Variants in ADGRG4 observed in about 807,000 individuals in gnomAD.
The protein encoded by ADGRG4 is adhesion G protein-coupled receptor G4.
ADGRG4 carries 122 observed loss-of-function variants against 126.2 expected under a neutral mutation model. That is an observed-to-expected ratio of 0.97 (90% CI 0.83 to 1.12). ADGRG4 has a LOEUF of 1.12. Ranked by LOEUF, ADGRG4 falls within the 50% of genes most tolerant of loss-of-function variation. ADGRG4 has a pLI of 0.00. For missense variants in ADGRG4, 2,481 were observed against 2,251.8 expected, an observed-to-expected ratio of 1.10 and a Z score of -2.06; for synonymous variants, 943 against 838.7, an observed-to-expected ratio of 1.12 and a Z score of -2.15.
In ADGRG4 at chrX:136,347,311, C is replaced by A. The variant is rs747159133; in HGVS notation, c.3605C>A (p.Thr1202Asn). 27 of 1,209,184 alleles carry A rather than the reference C, an allele frequency of 2.2e-5. No individual in the cohort carries two copies. The highest frequency in any genetic ancestry group is 3.0e-5 in the Non-Finnish European group (27 of 894,605). The change falls in exon 6 of 26, where the codon ACT becomes AAT. Residue 1202 changes from threonine (T) to asparagine (N), a missense_variant. Transcript: ENST00000394143. The stretch of plus-strand genomic sequence containing the variant: ...GGTGGAGTTGTTGCCAGCTTGGCTA[C>A]TGGCACCACAGAGACCTCTGTTGTT... ...SGGGVVASLA[T>N]GTTETSVVDE...
Position 136,412,265 on chromosome X carries a change from G to A in ADGRG4, c.8936G>A (p.Gly2979Glu). 8.5e-7 allele frequency: 1 copy of A among 1,183,290 alleles called. No homozygotes were observed. The highest frequency in any genetic ancestry group is 1.2e-6 in the Non-Finnish European group (1 of 869,497). The change falls in exon 24 of 26, where the codon GGA becomes GAA. Residue 2979 changes from glycine to glutamate, a missense_variant and splice_region_variant. Physicochemically the swap from Gly to Glu is moderately conservative, Grantham distance 98. Coordinates refer to ENST00000394143, the MANE Select transcript of ADGRG4 (RefSeq NM_153834.4). ...YLFAIFNTLQ[G>E]FFIFVFHCVM... ...GACTGACCTTCTTCTTCTGGCTTAG[G>A]ATTCTTCATTTTTGTGTTTCACTGT...
intron 4 of ADGRG4, among the ~76,000 whole-genome samples, chrX:136,317,218 C>T (rs1012471303): frequency 3.6e-5 from 4 of 110,880 alleles, no homozygotes; most frequent in South Asian, 3.8e-4. Context: ...ACACCAAAAG[C>T]GGCCGGGCGT....
At chrX:136,320,710 C>T (rs2074834364) in intron 4 of ADGRG4, among the ~76,000 whole-genome samples, 1 of 110,507 alleles carries the variant, frequency 9.0e-6, no homozygotes, top group African/African-American at 3.3e-5. Context: ...GCCTAGGAGT[C>T]TGAGACCAGA....
At chrX:136,374,205 C>A in intron 15 of ADGRG4, among the ~76,000 whole-genome samples, 1 of 107,779 alleles carries the variant, frequency 9.3e-6, no homozygotes, top group South Asian at 4.1e-4. Context: ...TAGTTTGTTC[C>A]TCCTTTTTAT....
chrX:136,315,865 A>G (rs1264304680), intron 4 of ADGRG4, among the ~76,000 whole-genome samples: 2 of 111,881 alleles, frequency 1.8e-5, no homozygotes, highest in Non-Finnish European at 3.8e-5. Context: ...TATCGGGGTC[A>G]TGTGCTTATA....
chrX:136,405,918 G>T lies in ADGRG4; in HGVS notation c.8881G>T (p.Gly2961Ter). Reference sequence around the variant, plus strand: ...CTGGGGGTTTGCATTTTTTGCTTGGGGACCCATGAGGAACTTTTTCTTGTA... The same window carrying T: ...CTGGGGGTTTGCATTTTTTGCTTGGTGACCCATGAGGAACTTTTTCTTGTA... ...LTWGFAFFAWGPMRNFFLYLF... is the reference protein window; with the variant it reads ...LTWGFAFFAW The change falls in exon 23 of 26, where the codon GGA becomes TGA. Residue 2961 changes from glycine to a stop codon, truncating the protein, a stop_gained. Coordinates refer to ENST00000394143, the MANE Select transcript of ADGRG4 (RefSeq NM_153834.4). LOFTEE classifies it high-confidence loss of function. 1 of 1,147,483 alleles carries T rather than the reference G, an allele frequency of 8.7e-7. No individual in the cohort carries two copies. 94.6% of individuals were successfully genotyped at this position (1,147,483 alleles called of 1,213,427 possible). A position where few individuals can be genotyped will look rare whatever the true frequency, so the allele number is the denominator to read the frequency against.
chrX:136,354,105 G>GT (rs1039492759), intron 8 of ADGRG4, among the ~76,000 whole-genome samples: 12 of 111,992 alleles, frequency 1.1e-4, no homozygotes, highest in Non-Finnish European at 1.1e-4. Context: ...TGGGACTTTG[G>GT]TTTCTCTTAC....
In ADGRG4 at chrX:136,397,869, T is replaced by C; in HGVS notation, c.8185-12T>C. 1 of 1,206,153 alleles carries C rather than the reference T, an allele frequency of 8.3e-7. No individual in the cohort carries two copies. Among genetic ancestry groups the C allele is most frequent in the Non-Finnish European group, 1.1e-6 (1 of 891,692 alleles). On this transcript the variant is annotated splice_polypyrimidine_tract_variant and intron_variant, in intron 19 of 25. Coordinates refer to ENST00000394143, the MANE Select transcript of ADGRG4 (RefSeq NM_153834.4). Reference sequence around the variant, plus strand: ...GGTGTATGTGTAAAACACAACACATTGTGTTCCTTAGGATTTATCCAGGTC... The same window carrying C: ...GGTGTATGTGTAAAACACAACACATCGTGTTCCTTAGGATTTATCCAGGTC...
chrX:136,349,072 A>G lies in ADGRG4; in HGVS notation c.5366A>G (p.Asn1789Ser), dbSNP rs1569324418. ...GPTKNVKTTT[N>S]CFSSNTRKMT... ...ACAAAAAATGTTAAAACAACCACCAATTGCTTTTCTTCTAATACTAGAAAG... is the reference window on the plus strand; with the variant it reads ...ACAAAAAATGTTAAAACAACCACCAGTTGCTTTTCTTCTAATACTAGAAAG... Residue 1789 changes from asparagine (N) to serine (S), a missense_variant, in exon 6 of 26, where the codon AAT (asparagine) becomes AGT (serine). Transcript: ENST00000394143. 4.1e-6 allele frequency: 5 copies of G among 1,206,188 alleles called. No homozygotes were observed. The East Asian group carries it at 1.5e-4, about 36-fold the overall frequency.
intron 14 of ADGRG4, among the ~76,000 whole-genome samples, 179 bp downstream of exon 14, chrX:136,371,723 A>C (rs1337158678): frequency 1.8e-5 from 2 of 111,984 alleles, no homozygotes; most frequent in Non-Finnish European, 3.8e-5. Flanking sequence ...ATTCCTAAAC[A>C]ATACAGCATA....
At chrX:136,304,366 C>A (rs1569533222) in intron 2 of ADGRG4, among the ~76,000 whole-genome samples, 159 bp downstream of exon 2, 1 of 112,254 alleles carries the variant, frequency 8.9e-6, no homozygotes, top group Non-Finnish European at 1.9e-5. Flanking sequence ...ACAATTCTTA[C>A]CGTACAAAAG....
chrX:136,393,499 A>G (rs1416357942), intron 17 of ADGRG4, 36 bp from the exon 18 acceptor site: 4 of 1,135,872 alleles, frequency 3.5e-6, no homozygotes, highest in Non-Finnish European at 3.6e-6. Flanking sequence ...AAATATCACA[A>G]GGCAAGATGT....
chrX:136,396,634 G>T (rs1474858351), intron 19 of ADGRG4, among the ~76,000 whole-genome samples: 3 of 105,785 alleles, frequency 2.8e-5, no homozygotes, highest in African/African-American at 1.0e-4. Flanking sequence ...GAGAGACCAG[G>T]GTTCTTGTTC....
chrX:136,374,206 TC>T (rs1443963523), intron 15 of ADGRG4, among the ~76,000 whole-genome samples: 1 of 110,008 alleles, frequency 9.1e-6, no homozygotes, highest in Non-Finnish European at 1.9e-5. Flanking sequence ...AGTTTGTTCC[TC>T]CTTTTTATTG....
chrX:136,349,389 A>G lies in ADGRG4; in HGVS notation c.5683A>G (p.Ile1895Val). The change falls in exon 6 of 26, where the codon ATT becomes GTT. Residue 1895 changes from isoleucine to valine, a missense_variant. Ile to Val is a conservative substitution (Grantham distance 29). Transcript: ENST00000394143. The stretch of plus-strand genomic sequence containing the variant: ...CACAGCTGAAGGTTCTCAGTTTCCA[A>G]TTTCCACCACTATTAATGTACCTAC... ...IPTAEGSQFP[I>V]STTINVPTSN... The G allele has an allele frequency of 8.3e-7, 1 of 1,202,525 alleles. No homozygotes were observed. Among genetic ancestry groups the G allele is most frequent in the Non-Finnish European group, 1.1e-6 (1 of 887,602 alleles).
Position 136,359,116 on chromosome X carries a change from A to G in ADGRG4, c.6981-176A>G, listed in dbSNP as rs1032351380. On this transcript the variant is annotated intron_variant, in intron 10 of 25. Coordinates refer to ENST00000394143, the MANE Select transcript of ADGRG4 (RefSeq NM_153834.4). ...TTTGGATAAGAGAAAATTTATCAGA[A>G]CATTTCAGTATGCTGTCTTCCATCA... 2.1e-4 allele frequency among the ~76,000 whole-genome samples: 24 copies of G among 112,777 alleles called. 1 individual carries two copies. The highest frequency in any genetic ancestry group is 7.1e-4 in the African/African-American group (22 of 31,087).
Position 136,382,396 on chromosome X carries a change from A to G in ADGRG4, c.7777-5344A>G, listed in dbSNP as rs1333597310. 3.6e-5 allele frequency among the ~76,000 whole-genome samples: 4 copies of G among 112,500 alleles called. No homozygotes were observed. The East Asian group carries it at 1.1e-3, about 31-fold the overall frequency. On this transcript the variant is annotated intron_variant, in intron 15 of 25. Coordinates refer to ENST00000394143, the MANE Select transcript of ADGRG4 (RefSeq NM_153834.4). ...TGCACAAACATGTTTTTAACAAAAG[A>G]AGGAGGAAATATTCATGACAATTAC...
intron 14 of ADGRG4, among the ~76,000 whole-genome samples, chrX:136,372,215 A>G (rs1361589820): frequency 8.9e-6 from 1 of 111,739 alleles, no homozygotes; most frequent in African/African-American, 3.3e-5. Flanking sequence ...CGAGAACAGT[A>G]CTAGTTAACT....
Position 136,359,437 on chromosome X carries a change from G to A in ADGRG4, c.7126G>A (p.Val2376Ile), listed in dbSNP as rs752052389. ...QLTLLVNCEH[V>I]AVKKLEPGNC... is the part of the protein sequence containing the mutation. ...GACGTTATTAGTAAACTGTGAACACGTTGCAGTGAAAAAACTAGGTAATTT... is the reference window on the plus strand; with the variant it reads ...GACGTTATTAGTAAACTGTGAACACATTGCAGTGAAAAAACTAGGTAATTT... The change falls in exon 11 of 26, where the codon GTT (valine) becomes ATT (isoleucine). Residue 2376 changes from valine (V) to isoleucine (I), a missense_variant. By Grantham distance (29) the Val-to-Ile change is conservative (BLOSUM62 3). Coordinates refer to ENST00000394143, the MANE Select transcript of ADGRG4 (RefSeq NM_153834.4). The A allele has an allele frequency of 5.0e-6, 6 of 1,196,788 alleles. No individual in the cohort carries two copies. In the South Asian group the frequency reaches 7.5e-5, roughly 15 times the overall value.
Sources: gnomAD v4.1 joint callset for allele counts (sites outside exome capture counted in the v4.1 genomes callset) on GRCh38, gnomAD v4.1.1 for gene constraint, MANE v1.5 for transcripts, NCBI Gene and HGNC (gene_info 2026-07-23, HGNC 2026-07-21) for gene names.